Variants in PCDHGA1 observed in about 807,000 individuals in gnomAD.
PCDHGA1 encodes protocadherin gamma subfamily A, 1.
A neutral mutation model predicts 58.0 loss-of-function variants in PCDHGA1; 32 were observed. That is an observed-to-expected ratio of 0.55 (90% CI 0.42 to 0.74). The LOEUF is 0.74. PCDHGA1 is among the 30% of genes least tolerant of loss of function. The pLI is 0.00. For synonymous variants in PCDHGA1, 498 were observed against 501.1 expected, an observed-to-expected ratio of 0.99 and a Z score of 0.08; for missense variants, 1,205 against 1,182.3, an observed-to-expected ratio of 1.02 and a Z score of -0.28.
chr5:141,383,563 C>A, intron 1 of PCDHGA1: 2 of 1,613,150 alleles, frequency 1.2e-6, no homozygotes, highest in Non-Finnish European at 1.7e-6. Context: ...CGACCCGCCC[C>A]GATCCAGCAC....
chr5:141,371,930 G>A (rs755224038), intron 1 of PCDHGA1: 5 of 1,613,242 alleles, frequency 3.1e-6, no homozygotes, highest in Non-Finnish European at 3.4e-6. Context: ...CGCGGAGCGG[G>A]GTGGTGTTCG....
chr5:141,356,559 T>G (rs779037970), intron 1 of PCDHGA1: 1 of 1,614,140 alleles, frequency 6.2e-7, no homozygotes, highest in Non-Finnish European at 8.5e-7. Context: ...CCACTTTCCC[T>G]CATGCTTCCT....
At chr5:141,423,357 C>G in intron 1 of PCDHGA1, 1 of 1,614,214 alleles carries the variant, frequency 6.2e-7, no homozygotes. Context: ...TCTTTGTCAT[C>G]GTGCTGCTGG....
At position 141,333,094 on chromosome 5, in the gene PCDHGA1, C is replaced by A. The variant is rs754468911; in HGVS notation, c.2410C>A (p.Pro804Thr). ...GTCTTTACTTGAAGACAAAAAGGAA[C>A]CATTTTCTCAGGTAAACTTTTGTGA... is the stretch of plus-strand genomic sequence containing the variant. ...PQSLLEDKKE[P>T]FSQQAPPNTD... The change falls in exon 1 of 4, where the codon CCA (proline) becomes ACA (threonine). Residue 804 changes from proline (P) to threonine (T), a missense_variant. Transcript: ENST00000517417. 1.9e-6 allele frequency: 3 copies of A among 1,614,076 alleles called. No individual in the cohort carries two copies. In the African/African-American group the frequency reaches 4.0e-5, roughly 22 times the overall value.
rs1395688351 is a variant in PCDHGA1 at position 141,485,907 on chromosome 5, C to A, written c.2422-8900C>A. On this transcript the variant is annotated intron_variant, in intron 1 of 3. Coordinates refer to ENST00000517417, the MANE Select transcript of PCDHGA1 (RefSeq NM_018912.3). The surrounding 1 kb of genome is among the most constrained non-coding windows in gnomAD (Gnocchi z 5.7). ...GACAACGCCCCAGCCTTCCAGCAAT[C>A]CAGCTACAGGATTAGTGTGTTGGAG... is the stretch of plus-strand genomic sequence containing the variant. 6.2e-7 allele frequency: 1 copy of A among 1,614,176 alleles called. No homozygotes were observed.
In PCDHGA1 at chr5:141,490,673, C is replaced by T; in HGVS notation, c.2422-4134C>T. ...GGCTCCCTTCTTTGCACTGTGGCTG[C>T]CTCAGATCCAGACACTGGGGATAAT... On this transcript the variant is annotated intron_variant, in intron 1 of 3. Coordinates refer to ENST00000517417, the MANE Select transcript of PCDHGA1 (RefSeq NM_018912.3). This position sits in a 1 kb window ranked among gnomAD's most constrained non-coding sequence, Gnocchi z 5.4. 1.2e-6 allele frequency: 2 copies of T among 1,614,126 alleles called. No homozygotes were observed. The highest frequency in any genetic ancestry group is 1.7e-6 in the Non-Finnish European group (2 of 1,179,952).
intron 1 of PCDHGA1, among the ~76,000 whole-genome samples, chr5:141,447,123 T>G (rs1004463863): frequency 1.3e-5 from 2 of 152,160 alleles, no homozygotes; most frequent in Non-Finnish European, 2.9e-5. Flanking sequence ...CCATGGATTT[T>G]TTTGTTTGTT....
At chr5:141,408,280 C>T in intron 1 of PCDHGA1, 1 of 1,612,648 alleles carries the variant, frequency 6.2e-7, no homozygotes, top group Non-Finnish European at 8.5e-7. Flanking sequence ...CTTTGTTCTA[C>T]CCCACCCTGA....
intron 1 of PCDHGA1, among the ~76,000 whole-genome samples, chr5:141,467,960 C>T (rs1303642319): frequency 6.6e-6 from 1 of 151,998 alleles, no homozygotes; most frequent in Non-Finnish European, 1.5e-5. Flanking sequence ...CACCCGGCTG[C>T]CAGAAAATTT....
chr5:141,487,512 C>T lies in PCDHGA1; in HGVS notation c.2422-7295C>T, dbSNP rs372606253. The stretch of plus-strand genomic sequence containing the variant: ...TGTACACCCTTGGCTTCTGCACCCA[C>T]TCGGAGTGATAGCTTCATGATGGTG... On this transcript the variant is annotated intron_variant, in intron 1 of 3. Transcript: ENST00000517417. This position sits in a 1 kb window ranked among gnomAD's most constrained non-coding sequence, Gnocchi z 5.0. 3.7e-6 allele frequency: 6 copies of T among 1,614,082 alleles called. No homozygotes were observed. The highest frequency in any genetic ancestry group is 5.1e-6 in the Non-Finnish European group (6 of 1,180,044).
At chr5:141,410,041 G>A (rs763879404) in intron 1 of PCDHGA1, 2 of 1,613,228 alleles carry the variant, frequency 1.2e-6, no homozygotes, top group East Asian at 2.2e-5. Flanking sequence ...AGGCCAGTGA[G>A]CCCGGACTCT....
chr5:141,428,744 T>C (rs939886054), intron 1 of PCDHGA1: 10 of 155,306 alleles, frequency 6.4e-5, no homozygotes, highest in African/African-American at 2.4e-4. Context: ...ATATCTACTA[T>C]TGCTTCAGGT....
At chr5:141,506,308 G>A (rs941724820) in intron 3 of PCDHGA1, among the ~76,000 whole-genome samples, 8 of 152,100 alleles carry the variant, frequency 5.3e-5, no homozygotes. Flanking sequence ...AATTAGCTGG[G>A]CATGGTGGTG....
chr5:141,486,452 G>T lies in PCDHGA1; in HGVS notation c.2422-8355G>T. 6.2e-7 allele frequency: 1 copy of T among 1,614,152 alleles called. No homozygotes were observed. Among genetic ancestry groups the T allele is most frequent in the Non-Finnish European group, 8.5e-7 (1 of 1,179,996 alleles). Reference sequence around the variant, plus strand: ...ATCTAGCTATGACATCATGGTCACTGCTTCTGATGCTGGGAACCCTCCTCT... The same window carrying T: ...ATCTAGCTATGACATCATGGTCACTTCTTCTGATGCTGGGAACCCTCCTCT... On this transcript the variant is annotated intron_variant, in intron 1 of 3. Coordinates refer to ENST00000517417, the MANE Select transcript of PCDHGA1 (RefSeq NM_018912.3). This position sits in a 1 kb window ranked among gnomAD's most constrained non-coding sequence, Gnocchi z 5.0.
chr5:141,415,953 T>C, intron 1 of PCDHGA1: 3 of 486,080 alleles, frequency 6.2e-6, no homozygotes, highest in Non-Finnish European at 9.4e-6. Context: ...TGGTCACATA[T>C]TGAAACTCCA....
intron 3 of PCDHGA1, among the ~76,000 whole-genome samples, chr5:141,509,801 T>C (rs556629445): frequency 2.6e-5 from 4 of 152,140 alleles, no homozygotes; most frequent in South Asian, 2.1e-4. Flanking sequence ...CTCAGCTTCA[T>C]AGAGCCGAGC....
rs377098882 is a variant in PCDHGA1, at chr5:141,340,259, C to A, written c.2421+7154C>A. 29 of 1,614,068 alleles carry A rather than the reference C, an allele frequency of 1.8e-5. No individual in the cohort carries two copies. The highest frequency in any genetic ancestry group is 2.5e-5 in the Non-Finnish European group (29 of 1,180,040). On this transcript the variant is annotated intron_variant, in intron 1 of 3. Transcript: ENST00000517417. ...TCTAACCGCTAAAGATGGAGGGAAC[C>A]CCTCCCTGTCCACGGATGCTCACAT...
At chr5:141,369,943 A>G (rs1183061731) in intron 1 of PCDHGA1, among the ~76,000 whole-genome samples, 2 of 152,250 alleles carry the variant, frequency 1.3e-5, no homozygotes, top group African/African-American at 4.8e-5. Flanking sequence ...ATTGAGCAAG[A>G]TTATCTCTGC....
chr5:141,342,180 A>G (rs1561485197), intron 1 of PCDHGA1: 2 of 152,116 alleles, frequency 1.3e-5, no homozygotes, highest in Admixed American at 6.6e-5. Context: ...TATATCCTCA[A>G]TATAGTTTTG....
Sources: allele counts gnomAD v4.1 joint callset (sites outside exome capture counted in the v4.1 genomes callset), GRCh38; gene constraint gnomAD v4.1.1; non-coding constraint Gnocchi (gnomAD v3.1); transcripts MANE v1.5; gene names NCBI Gene and HGNC (gene_info 2026-07-23, HGNC 2026-07-21).